The following MGLL variants were observed in gnomAD, a reference collection of about 807,000 sequenced individuals.
The protein encoded by MGLL is lysophospholipase homolog.
A neutral mutation model predicts 29.1 loss-of-function variants in MGLL; 7 were observed. The observed-to-expected ratio is 0.24, with a 90% CI of 0.14 to 0.45. MGLL has a LOEUF of 0.45. MGLL is among the 20% of genes least tolerant of loss of function. The pLI is 0.99. For synonymous variants in MGLL, 148 were observed against 168.3 expected, an observed-to-expected ratio of 0.88 and a Z score of 0.93; for missense variants, 356 against 413.6, an observed-to-expected ratio of 0.86 and a Z score of 1.21.
intron 3 of MGLL, among the ~76,000 whole-genome samples, chr3:127,774,708 T>TCAGCAGCAG (rs774114531): frequency 7.9e-5 from 12 of 151,828 alleles, no homozygotes; most frequent in Admixed American, 6.6e-4. Context: ...TCAGGGGTCC[T>TCAGCAGCAG]CAGCAGCAGC....
In MGLL at chr3:127,748,036, G is replaced by A. The variant is rs147869987; in HGVS notation, c.263-25470C>T. 7.2e-5 allele frequency among the ~76,000 whole-genome samples: 11 copies of A among 152,250 alleles called. No homozygotes were observed. In the East Asian group the frequency reaches 1.4e-3, roughly 19 times the overall value. ...ATTTCACGCGGGGAGGAGCCACAGC[G>A]TCTGGTATTAAGTAAAGGAAAACTC... On this transcript the variant is annotated intron_variant, in intron 3 of 7. Transcript: ENST00000265052.
intron 3 of MGLL, among the ~76,000 whole-genome samples, chr3:127,730,825 TG>T (rs1002213356): frequency 9.2e-5 from 14 of 152,234 alleles, no homozygotes; most frequent in African/African-American, 2.6e-4. Context: ...TGTGGCTGGA[TG>T]GGGCGCAAAA....
chr3:127,698,874 C>T (rs891648804), intron 6 of MGLL, among the ~76,000 whole-genome samples: 2 of 152,238 alleles, frequency 1.3e-5, no homozygotes, highest in African/African-American at 2.4e-5. Flanking sequence ...CACACCGCCA[C>T]CTTCCTGTTT....
intron 3 of MGLL, among the ~76,000 whole-genome samples, chr3:127,767,529 C>G (rs1340702499): frequency 6.6e-6 from 1 of 152,166 alleles, no homozygotes; most frequent in Non-Finnish European, 1.5e-5. Context: ...TCTTTCTATC[C>G]CACAGTGAAA....
At chr3:127,787,076 T>G (rs2077227066) in intron 2 of MGLL, among the ~76,000 whole-genome samples, 1 of 152,196 alleles carries the variant, frequency 6.6e-6, no homozygotes, top group African/African-American at 2.4e-5. Flanking sequence ...CGGCTCAGGA[T>G]CGAGGCTTCT....
At chr3:127,817,385 A>G (rs1464811136) in intron 2 of MGLL, among the ~76,000 whole-genome samples, 1 of 152,184 alleles carries the variant, frequency 6.6e-6, no homozygotes, top group Non-Finnish European at 1.5e-5. Context: ...TCATAACAGA[A>G]GCTACAGAAA....
At chr3:127,722,165 G>A (rs1330111699) in intron 4 of MGLL, among the ~76,000 whole-genome samples, 2 of 152,172 alleles carry the variant, frequency 1.3e-5, no homozygotes, top group East Asian at 3.9e-4. Context: ...CTATGAAATG[G>A]CACCAAGTGG....
rs1332022841 is a variant in MGLL at position 127,691,773 on chromosome 3, G to A, written c.*425C>T. 4.7e-5 allele frequency: 11 copies of A among 231,628 alleles called. 1 individual carries two copies. The highest frequency in any genetic ancestry group is 1.2e-4 in the African/African-American group (5 of 42,566). 14.3% of individuals were successfully genotyped at this position (231,628 alleles called of 1,614,324 possible). A position where few individuals can be genotyped will look rare whatever the true frequency, so the allele number is the denominator to read the frequency against. ...CACGGCCAGAGGAAGGCCACCAAGC[G>A]GAGGCTGGTCAGAGAGGGCGCTGGG... On this transcript the variant is annotated 3_prime_UTR_variant, in exon 8 of 8. Coordinates refer to ENST00000265052, the MANE Select transcript of MGLL (RefSeq NM_007283.7).
At chr3:127,721,862 TTGTC>T (rs71992118) in intron 4 of MGLL, among the ~76,000 whole-genome samples, 53,564 of 151,888 alleles carry the variant, frequency 0.35, 11,092 homozygotes, top group Non-Finnish European at 0.47. Context: ...CCAGCCTGCT[TTGTC>T]TGTAGGTAGA....
At chr3:127,820,430 C>A (rs78251114) in intron 2 of MGLL, among the ~76,000 whole-genome samples, 1 of 152,146 alleles carries the variant, frequency 6.6e-6, no homozygotes, top group African/African-American at 2.4e-5. Context: ...TTGTTGACTT[C>A]GAACTAGGAC....
chr3:127,756,694 T>C (rs1263431594), intron 3 of MGLL, among the ~76,000 whole-genome samples: 1 of 152,252 alleles, frequency 6.6e-6, no homozygotes, highest in African/African-American at 2.4e-5. Context: ...CCAGACTTCT[T>C]TTCAGAAGAG....
rs72973728 is a variant in MGLL at position 127,770,343 on chromosome 3, A to T, written c.262+11446T>A. ...CCACTGTAATGCCTCACCCTGAAACATTTTTTTTAAGTGAATCCTTTAATC... is the reference window on the plus strand; with the variant it reads ...CCACTGTAATGCCTCACCCTGAAACTTTTTTTTTAAGTGAATCCTTTAATC... On this transcript the variant is annotated intron_variant, in intron 3 of 7. Transcript: ENST00000265052. 5.7e-3 allele frequency among the ~76,000 whole-genome samples: 859 copies of T among 152,006 alleles called. 9 individuals are homozygous for T. Among genetic ancestry groups the T allele is most frequent in the African/African-American group, 0.02 (809 of 41,446 alleles).
intron 3 of MGLL, among the ~76,000 whole-genome samples, 158 bp downstream of exon 3, chr3:127,781,631 A>C (rs1457944901): frequency 6.6e-6 from 1 of 152,098 alleles, no homozygotes; most frequent in Non-Finnish European, 1.5e-5. Flanking sequence ...CTCGTCAGAC[A>C]TTTTTTTTGT....
intron 3 of MGLL, among the ~76,000 whole-genome samples, chr3:127,760,464 G>A (rs756233815): frequency 7.9e-5 from 12 of 152,248 alleles, no homozygotes; most frequent in Non-Finnish European, 1.5e-4. Context: ...AGTCAGCCCC[G>A]ATGCTGGCTC....
At chr3:127,707,466 C>T (rs2075625807) in intron 6 of MGLL, among the ~76,000 whole-genome samples, 1 of 152,204 alleles carries the variant, frequency 6.6e-6, no homozygotes, top group African/African-American at 2.4e-5. Context: ...GGAATGATTA[C>T]CATGTCAGTA....
chr3:127,782,130 G>A (rs1269072258), intron 2 of MGLL, among the ~76,000 whole-genome samples: 1 of 152,176 alleles, frequency 6.6e-6, no homozygotes, highest in Non-Finnish European at 1.5e-5. Flanking sequence ...GCTGAGGCAG[G>A]AGAATTGCTT....
At chr3:127,772,118 A>G (rs1304214834) in intron 3 of MGLL, among the ~76,000 whole-genome samples, 15 of 152,224 alleles carry the variant, frequency 9.9e-5, no homozygotes, top group Non-Finnish European at 1.8e-4. Context: ...AGCACTCTGC[A>G]TACTTCACCT....
Position 127,710,881 on chromosome 3 carries a change from G to C in MGLL, c.511-216C>G, listed in dbSNP as rs905027748. Reference sequence around the variant, plus strand: ...CCTGGCTCTGCTCCACCTTGGGGGAGCTGGCCAGGCAGCCGCTGCGCCCAA... The same window carrying C: ...CCTGGCTCTGCTCCACCTTGGGGGACCTGGCCAGGCAGCCGCTGCGCCCAA... On this transcript the variant is annotated intron_variant, in intron 5 of 7. Coordinates refer to ENST00000265052, the MANE Select transcript of MGLL (RefSeq NM_007283.7). 8 of 581,796 alleles carry C rather than the reference G, an allele frequency of 1.4e-5. No individual in the cohort carries two copies. The African/African-American group carries it at 1.5e-4, about 11-fold the overall frequency. The allele number at this position is 581,796 out of a possible 1,614,324, so 36.0% of individuals were successfully genotyped here.
rs2077863461 is a variant in MGLL at position 127,821,708 on chromosome 3, G to A, written c.141C>T (p.Pro47=). The A allele has an allele frequency of 1.9e-6, 3 of 1,614,118 alleles. No homozygotes were observed. The highest frequency in any genetic ancestry group is 2.2e-5 in the East Asian group (1 of 44,876). ...GGAAGACTTACTTGGGTGTGCCTGT[G>A]GGTTTCCAGTACCTGCAGAAGAGGT... ...GQYLFCRYWK[P]TGTPKALIFV... The change falls in exon 2 of 8, where the codon CCC becomes CCT. Residue 47 remains proline (P), a synonymous_variant. Coordinates refer to ENST00000265052, the MANE Select transcript of MGLL (RefSeq NM_007283.7).
Sources: allele counts gnomAD v4.1 joint callset (sites outside exome capture counted in the v4.1 genomes callset), GRCh38; gene constraint gnomAD v4.1.1; transcripts MANE v1.5; gene names NCBI Gene and HGNC (gene_info 2026-07-23, HGNC 2026-07-21).